BLTP1: variants seen among roughly 807,000 people sequenced by gnomAD.
BLTP1 encodes the protein fragile site-associated protein.
At chr4:122,159,706 A>G in the BLTP1 span, among the ~76,000 whole-genome samples, 422 of 152,260 alleles carry the variant, frequency 2.8e-3, 1 homozygote, top group African/African-American at 9.8e-3. Context: ...CAAGGAAGAG[A>G]TGGCCATCCT....
the BLTP1 span, chr4:122,226,600 T>C: frequency 3.9e-6 from 6 of 1,538,998 alleles, no homozygotes; most frequent in South Asian, 1.3e-5. Flanking sequence ...TTTAAGACAG[T>C]GTTTGGGTTC....
At chr4:122,192,632 G>A in the BLTP1 span, among the ~76,000 whole-genome samples, 5 of 151,834 alleles carry the variant, frequency 3.3e-5, no homozygotes, top group Non-Finnish European at 5.9e-5. Flanking sequence ...AGAATGAGGA[G>A]CATATTTGTT....
the BLTP1 span, chr4:122,273,064 G>C: frequency 1.7e-5 from 4 of 241,684 alleles, no homozygotes; most frequent in African/African-American, 9.3e-5. Context: ...AAAGTTGCAG[G>C]GATTCTCTTG....
chr4:122,345,657 A>C, the BLTP1 span, among the ~76,000 whole-genome samples: 1 of 152,090 alleles, frequency 6.6e-6, no homozygotes, highest in South Asian at 2.1e-4. Context: ...GGCACTGAGA[A>C]GCCATTAGAA....
chr4:122,244,454 G>T, the BLTP1 span: 1 of 167,504 alleles, frequency 6.0e-6, no homozygotes, highest in African/African-American at 2.4e-5. Context: ...TTGGTTAAAT[G>T]TGTGGATTTG....
chr4:122,225,388 T>C, the BLTP1 span: 1 of 152,202 alleles, frequency 6.6e-6, no homozygotes, highest in Non-Finnish European at 1.5e-5. Context: ...ATTGTAACAT[T>C]TCACCTGAGT....
the BLTP1 span, chr4:122,343,486 T>C: frequency 1.2e-6 from 2 of 1,614,002 alleles, no homozygotes; most frequent in Non-Finnish European, 1.7e-6. Context: ...GTTCCAGCAG[T>C]AGTTCATCTG....
At chr4:122,335,594 G>T in the BLTP1 span, among the ~76,000 whole-genome samples, 2 of 152,206 alleles carry the variant, frequency 1.3e-5, no homozygotes, top group African/African-American at 4.8e-5. Context: ...TCCATTAAGT[G>T]CATGGCAGCT....
the BLTP1 span, among the ~76,000 whole-genome samples, chr4:122,342,036 CAT>C: frequency 2.6e-5 from 4 of 152,292 alleles, no homozygotes; most frequent in Admixed American, 1.3e-4. Context: ...AGAGCCAACT[CAT>C]GTGGGAAAGC....
At chr4:122,343,696 A>G in the BLTP1 span, 1 of 1,387,162 alleles carries the variant, frequency 7.2e-7, no homozygotes. Context: ...ATAAGGACAT[A>G]GCCAAGATCA....
chr4:122,207,126 G>A, the BLTP1 span: 1 of 1,603,682 alleles, frequency 6.2e-7, no homozygotes. Flanking sequence ...TTCAAGACTG[G>A]TCTAGTGACA....
the BLTP1 span, chr4:122,263,264 T>C: frequency 1.0e-6 from 1 of 984,040 alleles, no homozygotes; most frequent in African/African-American, 1.7e-5. Context: ...CCTGTTATAA[T>C]AAAAATAAGC....
chr4:122,331,126 C>G, the BLTP1 span: 6 of 952,236 alleles, frequency 6.3e-6, no homozygotes, highest in Non-Finnish European at 7.5e-6. Context: ...TCCTCATCAC[C>G]TAGCAAATAG....
At chr4:122,209,969 T>C in the BLTP1 span, 42 of 1,586,508 alleles carry the variant, frequency 2.6e-5, no homozygotes, top group African/African-American at 4.1e-5. Context: ...GCTGCTATTA[T>C]GATTGATAAT....
the BLTP1 span, chr4:122,186,297 A>G: frequency 4.2e-6 from 5 of 1,203,298 alleles, no homozygotes; most frequent in East Asian, 2.7e-5. Flanking sequence ...CATTGAGGCT[A>G]TGCACCTAAA....
At chr4:122,279,718 A>G in the BLTP1 span, 2 of 1,531,144 alleles carry the variant, frequency 1.3e-6, no homozygotes, top group Admixed American at 4.3e-5. Flanking sequence ...TTTTTTCAAA[A>G]TTTCTCTTTA....
chr4:122,198,004 A>G, the BLTP1 span: 5 of 984,546 alleles, frequency 5.1e-6, no homozygotes, highest in Admixed American at 6.2e-5. Context: ...ATCAATCATC[A>G]TTAGTGTTTC....
the BLTP1 span, among the ~76,000 whole-genome samples, chr4:122,268,213 G>T: frequency 6.6e-6 from 1 of 152,042 alleles, no homozygotes; most frequent in Non-Finnish European, 1.5e-5. Flanking sequence ...CTAATATTTA[G>T]TACATTGGAA....
chr4:122,159,071 A>G, the BLTP1 span, among the ~76,000 whole-genome samples: 1 of 152,202 alleles, frequency 6.6e-6, no homozygotes, highest in African/African-American at 2.4e-5. Flanking sequence ...CATGCTCACT[A>G]GTACTTGTGG....
Sources: gnomAD v4.1 joint callset for allele counts (sites outside exome capture counted in the v4.1 genomes callset) on GRCh38, gnomAD v4.1.1 for gene constraint, MANE v1.5 for transcripts, NCBI Gene and HGNC (gene_info 2026-07-23, HGNC 2026-07-21) for gene names.